TBC1D8B: variants seen among roughly 807,000 people sequenced by gnomAD.
TBC1D8B encodes TBC1 domain family member 8B, also known as RP11-321G1.1.
Under a neutral mutation model 82.9 loss-of-function variants are expected in TBC1D8B, and 75 were observed. The ratio of observed to expected loss-of-function variants is 0.90; its 90% CI spans 0.75 to 1.10. TBC1D8B has a LOEUF of 1.10. TBC1D8B is among the 50% of genes least tolerant of loss of function. TBC1D8B has a pLI of 0.00. For synonymous variants in TBC1D8B, 276 were observed against 276.8 expected (o/e 1.00, Z 0.03); for missense variants, 794 against 796.9 (o/e 1.00, Z 0.04).
intron 14 of TBC1D8B, among the ~76,000 whole-genome samples, chrX:106,863,967 G>A (rs1003840217): frequency 1.8e-5 from 2 of 111,874 alleles, no homozygotes; most frequent in African/African-American, 3.2e-5. Context: ...AGGCAGAAGC[G>A]GTAGTGCTGG....
In TBC1D8B at chrX:106,854,237, C is replaced by T. The variant is rs189170994; in HGVS notation, c.2293C>T (p.Arg765Cys). The T allele has an allele frequency of 5.2e-5, 62 of 1,193,587 alleles. No individual in the cohort carries two copies. The highest frequency in any genetic ancestry group is 7.5e-5 in the South Asian group (4 of 53,428). The change falls in exon 14 of 21, where the codon CGC (arginine) becomes TGC (cysteine). Residue 765 changes from arginine to cysteine, a missense_variant. Physicochemically the swap from Arg to Cys is radical, Grantham distance 180. Coordinates refer to ENST00000357242, the MANE Select transcript of TBC1D8B (RefSeq NM_017752.3). ...TCGCTATGAAGATATACATAGTATG[C>T]GCTGTCGAAATAGGTTGTATGTGAT... is the stretch of plus-strand genomic sequence containing the variant. ...NIRYEDIHSM[R>C]CRNRLYVIQT... is the part of the protein sequence containing the mutation.
intron 13 of TBC1D8B, 133 bp from the exon 14 acceptor site, chrX:106,854,065 A>T: frequency 2.1e-6 from 1 of 476,885 alleles, no homozygotes; most frequent in Non-Finnish European, 3.2e-6. Context: ...TTGCAAAATC[A>T]TTGAACAAGT....
intron 10 of TBC1D8B, among the ~76,000 whole-genome samples, chrX:106,841,085 A>G (rs1932295207): frequency 8.9e-6 from 1 of 111,862 alleles, no homozygotes; most frequent in African/African-American, 3.2e-5. Flanking sequence ...CACTTAACAA[A>G]TGTTTATTGA....
chrX:106,853,076 T>C (rs1301517919), intron 12 of TBC1D8B, among the ~76,000 whole-genome samples: 1 of 111,668 alleles, frequency 9.0e-6, no homozygotes, highest in Non-Finnish European at 1.9e-5. Flanking sequence ...TTCTTCTATT[T>C]GTTTGTATCC....
At chrX:106,845,167 T>C (rs760835062) in intron 10 of TBC1D8B, among the ~76,000 whole-genome samples, 13 of 110,959 alleles carry the variant, frequency 1.2e-4, no homozygotes, top group African/African-American at 3.9e-4. Context: ...ACTATCTCGT[T>C]CTTGCTCTTT....
chrX:106,836,400 A>G (rs1932177586), intron 7 of TBC1D8B, among the ~76,000 whole-genome samples: 1 of 111,601 alleles, frequency 9.0e-6, no homozygotes, highest in African/African-American at 3.3e-5. Context: ...CTCAGAGCCA[A>G]TCTTAATGTC....
Position 106,850,231 on chromosome X carries a change from G to T in TBC1D8B, c.2044G>T (p.Gly682Ter). ...YDGIKAILQL[G>*]LAILDYNLDK... ...TGGAATAAAGGCCATTTTGCAACTG[G>T]GATTGGCAATACTTGACTATAATTT... Residue 682 changes from glycine to a stop codon, truncating the protein, a stop_gained, in exon 12 of 21, where the codon GGA becomes TGA. Coordinates refer to ENST00000357242, the MANE Select transcript of TBC1D8B (RefSeq NM_017752.3). LOFTEE classifies it high-confidence loss of function. The T allele has an allele frequency of 8.3e-7, 1 of 1,211,176 alleles. No homozygotes were observed. The highest frequency in any genetic ancestry group is 1.1e-6 in the Non-Finnish European group (1 of 895,277).
intron 14 of TBC1D8B, among the ~76,000 whole-genome samples, chrX:106,855,799 T>G (rs1277933678): frequency 8.9e-6 from 1 of 111,914 alleles, no homozygotes; most frequent in Non-Finnish European, 1.9e-5. Context: ...CAAAAGATTT[T>G]GCCAAATTGT....
intron 19 of TBC1D8B, 117 bp downstream of exon 19, chrX:106,869,658 A>T (rs1181636673): frequency 2.2e-6 from 1 of 460,461 alleles, no homozygotes; most frequent in Non-Finnish European, 3.5e-6. Context: ...CTCAGAAATT[A>T]TAGAAAATAT....
intron 14 of TBC1D8B, among the ~76,000 whole-genome samples, chrX:106,864,980 T>A (rs1246614579): frequency 1.8e-5 from 2 of 112,509 alleles, no homozygotes; most frequent in African/African-American, 3.2e-5. Context: ...CGGGTTTTTT[T>A]AATTTTCTGT....
Position 106,802,751 on chromosome X carries a change from T to G in TBC1D8B, c.-103T>G. On this transcript the variant is annotated 5_prime_UTR_variant, in exon 1 of 21. Transcript: ENST00000357242. Reference sequence around the variant, plus strand: ...AACCTGAACCTGAGCTGCTGTCGCCTGAGGAAGATTTGGTGGGAGGAGAAG... The same window carrying G: ...AACCTGAACCTGAGCTGCTGTCGCCGGAGGAAGATTTGGTGGGAGGAGAAG... 8.9e-7 allele frequency: 1 copy of G among 1,121,829 alleles called. No homozygotes were observed. The highest frequency in any genetic ancestry group is 2.3e-5 in the Admixed American group (1 of 42,803). The allele number at this position is 1,121,829 out of a possible 1,213,427, so 92.5% of individuals were successfully genotyped here.
chrX:106,821,108 G>A, intron 3 of TBC1D8B, 113 bp downstream of exon 3: 3 of 420,855 alleles, frequency 7.1e-6, no homozygotes, highest in Non-Finnish European at 8.3e-6. Context: ...TTCAGGATTG[G>A]TAGAAACGAA....
rs751020605 is a variant in TBC1D8B, at chrX:106,873,755, A to G, written c.3153A>G (p.Gly1051=). 20 of 1,210,086 alleles carry G rather than the reference A, an allele frequency of 1.7e-5. No homozygotes were observed. The highest frequency in any genetic ancestry group is 4.5e-6 in the Non-Finnish European group (4 of 895,279). Residue 1051 remains glycine (G), a synonymous_variant, in exon 21 of 21, where the codon GGA becomes GGG. Coordinates refer to ENST00000357242, the MANE Select transcript of TBC1D8B (RefSeq NM_017752.3). Reference sequence around the variant, plus strand: ...TCTCTGGTACTGTCTGTGGTTCTGGAGGACCCAGTGAGGAAAAAACAGGGA... The same window carrying G: ...TCTCTGGTACTGTCTGTGGTTCTGGGGGACCCAGTGAGGAAAAAACAGGGA... ...KGFSGTVCGS[G]GPSEEKTGSH...
chrX:106,868,472 G>C lies in TBC1D8B; in HGVS notation c.2808G>C (p.Leu936=). The part of the protein sequence containing the change: ...SKEELLYFSQ[L]HVSKPANEKE... ...AAGAATTACTTTATTTCAGTCAGCTGCATGGTAAATACCTGTTTAAAATGT... is the reference window on the plus strand; with the variant it reads ...AAGAATTACTTTATTTCAGTCAGCTCCATGGTAAATACCTGTTTAAAATGT... Residue 936 remains leucine, a synonymous_variant, in exon 18 of 21, where the codon CTG becomes CTC. Coordinates refer to ENST00000357242, the MANE Select transcript of TBC1D8B (RefSeq NM_017752.3). The C allele has an allele frequency of 4.1e-6, 4 of 987,211 alleles. No individual in the cohort carries two copies. Among genetic ancestry groups the C allele is most frequent in the Non-Finnish European group, 5.2e-6 (4 of 769,015 alleles). 81.4% of individuals were successfully genotyped at this position (987,211 alleles called of 1,213,427 possible). A position where few individuals can be genotyped will look rare whatever the true frequency, so the allele number is the denominator to read the frequency against.
rs762758544 is a variant in TBC1D8B at position 106,873,853 on chromosome X, C to T, written c.3251C>T (p.Ala1084Val). 6.6e-6 allele frequency: 8 copies of T among 1,211,948 alleles called. 1 individual carries two copies. The South Asian group carries it at 1.2e-4, about 19-fold the overall frequency. ...TCATTTGCATTTGAACAGATTCTTG[C>T]ATCGCTGTTGAATGAACCAGCATTG... Reference protein sequence around the residue: ...QWSFAFEQILASLLNEPALVR... With the variant: ...QWSFAFEQILVSLLNEPALVR... The change falls in exon 21 of 21, where the codon GCA (alanine) becomes GTA (valine). Residue 1084 changes from alanine (A) to valine (V), a missense_variant. Ala to Val is a moderately conservative substitution (Grantham distance 64, BLOSUM62 0). Coordinates refer to ENST00000357242, the MANE Select transcript of TBC1D8B (RefSeq NM_017752.3).
At chrX:106,818,891 C>T in intron 2 of TBC1D8B, 118 bp downstream of exon 2, 3 of 497,051 alleles carry the variant, frequency 6.0e-6, no homozygotes, top group Non-Finnish European at 9.3e-6. Context: ...AAATGTGCAA[C>T]TTTACTTTGA....
At chrX:106,858,914 A>G (rs1278676570) in intron 14 of TBC1D8B, among the ~76,000 whole-genome samples, 1 of 111,744 alleles carries the variant, frequency 8.9e-6, no homozygotes, top group Non-Finnish European at 1.9e-5. Context: ...TCTAGTTTCA[A>G]TCTTCTACCT....
chrX:106,849,727 T>C (rs1932546916), intron 11 of TBC1D8B: 1 of 855,912 alleles, frequency 1.2e-6, no homozygotes, highest in Admixed American at 6.0e-5. Flanking sequence ...TGCTAGATAT[T>C]AAACTCCCTG....
At chrX:106,820,458 A>G (rs1307525231) in intron 2 of TBC1D8B, among the ~76,000 whole-genome samples, 2 of 111,631 alleles carry the variant, frequency 1.8e-5, no homozygotes, top group East Asian at 2.8e-4. Context: ...TGTCACATAC[A>G]TGCTGTTTTC....
Sources: gnomAD v4.1 joint callset for allele counts (sites outside exome capture counted in the v4.1 genomes callset) on GRCh38, gnomAD v4.1.1 for gene constraint, MANE v1.5 for transcripts, NCBI Gene and HGNC (gene_info 2026-07-23, HGNC 2026-07-21) for gene names.